Variants in COL5A3 observed in about 807,000 individuals in gnomAD.
COL5A3 encodes the protein collagen type V alpha 3 chain.
Under a neutral mutation model 250.0 loss-of-function variants are expected in COL5A3, and 172 were observed. The ratio of observed to expected loss-of-function variants is 0.69; its 90% CI spans 0.61 to 0.78. The LOEUF (loss-of-function observed/expected upper bound fraction) is 0.78. Ranked by LOEUF, COL5A3 falls within the 30% of genes least tolerant of loss-of-function variation. The pLI, the probability that COL5A3 is intolerant of heterozygous loss-of-function variation, is 0.00. For synonymous variants in COL5A3, 937 were observed against 900.4 expected (o/e 1.04, Z -0.73); for missense variants, 2,340 against 2,334.4 (o/e 1.00, Z -0.05).
intron 31 of COL5A3, among the ~76,000 whole-genome samples, chr19:9,984,923 C>G (rs1013080170): frequency 6.7e-6 from 1 of 148,570 alleles, no homozygotes; most frequent in African/African-American, 2.5e-5. Context: ...TCCCAAGTAG[C>G]TGGGACCACA....
Position 9,979,863 on chromosome 19 carries a change from C to T in COL5A3, c.2688G>A (p.Gly896=). The part of the protein sequence containing the change: ...PGHQGKDGRP[G]HPGQRGELGF... ...CCAGTTCTCCTCTCTGTCCAGGGTG[C>T]CCTGGTCGCCCATCTTTACCTTGGT... The change falls in exon 37 of 67, where the codon GGG becomes GGA. Residue 896 remains glycine, a synonymous_variant. Coordinates refer to ENST00000264828, the MANE Select transcript of COL5A3 (RefSeq NM_015719.4). 4.4e-6 allele frequency: 7 copies of T among 1,576,396 alleles called. No individual in the cohort carries two copies. Among genetic ancestry groups the T allele is most frequent in the Non-Finnish European group, 6.0e-6 (7 of 1,168,866 alleles).
chr19:9,982,330 T>C (rs73502997), intron 31 of COL5A3, among the ~76,000 whole-genome samples: 6,402 of 152,172 alleles, frequency 0.042, 165 homozygotes, highest in African/African-American at 0.072. Context: ...TTGCACTGGC[T>C]GCTGTCTTTG....
At chr19:10,003,977 A>G in intron 5 of COL5A3, 64 bp downstream of exon 5, 1 of 1,317,468 alleles carries the variant, frequency 7.6e-7, no homozygotes, top group Non-Finnish European at 1.1e-6. Context: ...CTTTCTAGGG[A>G]TCTGGAGCCA....
intron 31 of COL5A3, 57 bp downstream of exon 31, chr19:9,985,785 T>A (rs2087090567): frequency 1.4e-6 from 2 of 1,469,956 alleles, no homozygotes; most frequent in Admixed American, 3.4e-5. Flanking sequence ...GACCCCCAGA[T>A]GTTAGTCTCT....
At position 9,973,948 on chromosome 19, in the gene COL5A3, G is replaced by C; in HGVS notation, c.3529C>G (p.Arg1177Gly). The change falls in exon 48 of 67, where the codon CGG becomes GGG. Residue 1177 changes from arginine to glycine, a missense_variant. Physicochemically the swap from Arg to Gly is moderately radical, Grantham distance 125. This residue lies in a region of COL5A3 where 1,179 missense variants were observed against 1,162.6 expected (regional missense o/e 1.01). Transcript: ENST00000264828. Reference protein sequence around the residue: ...SMGPHGAPGPRGPQGPTGSEG... With the variant: ...SMGPHGAPGPGGPQGPTGSEG... ...GATCCAGTGGGGCCTTGGGGACCCC[G>C]AGGACCTGGAGCTCCATGGGGACCC... 1 of 1,547,866 alleles carries C rather than the reference G, an allele frequency of 6.5e-7. No homozygotes were observed. The highest frequency in any genetic ancestry group is 8.7e-7 in the Non-Finnish European group (1 of 1,146,874).
intron 41 of COL5A3, 68 bp downstream of exon 41, chr19:9,978,506 G>A: frequency 2.8e-6 from 3 of 1,059,546 alleles, no homozygotes; most frequent in Non-Finnish European, 4.4e-6. Context: ...TCATGACAAT[G>A]TCAAGCTTCC....
At chr19:9,974,766 G>A (rs1345880595) in intron 45 of COL5A3, among the ~76,000 whole-genome samples, 1 of 152,080 alleles carries the variant, frequency 6.6e-6, no homozygotes, top group Non-Finnish European at 1.5e-5. Context: ...GGTCAGAGTT[G>A]GGGTTAAGGA....
intron 6 of COL5A3, among the ~76,000 whole-genome samples, chr19:10,002,298 G>A (rs931474806): frequency 1.6e-4 from 25 of 151,954 alleles, no homozygotes; most frequent in Non-Finnish European, 3.4e-4. Flanking sequence ...GTGGGAAGAG[G>A]GTGGTGGGGT....
rs371982272 is a variant in COL5A3 at position 10,000,633 on chromosome 19, T to C, written c.1110+891A>G. ...TTTTAAAGCTCCAAGTCAGATCATG[T>C]TCCTTCACAAGTGCTCAAGTGGCAT... is the stretch of plus-strand genomic sequence containing the variant. On this transcript the variant is annotated intron_variant, in intron 8 of 66. Transcript: ENST00000264828. Among the ~76,000 whole-genome samples, 12 of 151,890 alleles carry C rather than the reference T, an allele frequency of 7.9e-5. No individual in the cohort carries two copies. The East Asian group carries it at 1.5e-3, about 20-fold the overall frequency.
intron 51 of COL5A3, 116 bp from the exon 52 acceptor site, chr19:9,971,374 A>G: frequency 4.0e-6 from 3 of 749,670 alleles, no homozygotes; most frequent in Non-Finnish European, 6.4e-6. Context: ...ATTAGTGAAC[A>G]AAACATAAAA....
chr19:9,962,518 A>T (rs35269940), intron 65 of COL5A3, among the ~76,000 whole-genome samples: 21,944 of 152,022 alleles, frequency 0.14, 1,678 homozygotes, highest in Non-Finnish European at 0.15. Flanking sequence ...AACACAGTGC[A>T]TTCTTTAGGC....
At chr19:10,001,706 C>T in intron 7 of COL5A3, 36 bp from the exon 8 acceptor site, 3 of 1,613,158 alleles carry the variant, frequency 1.9e-6, no homozygotes, top group South Asian at 1.1e-5. Flanking sequence ...TTTTCCCTGA[C>T]CTCCTTATTT....
Position 9,986,336 on chromosome 19 carries a change from G to A in COL5A3, c.2331C>T (p.Pro777=), listed in dbSNP as rs1479546784. ...GQAGQAGEEG[P]PGSAGEKGKL... ...TTACCTTCTCCCCAGCTGAGCCTGG[G>A]GGCCCCTCCTCGCCAGCCTGCCCCG... The change falls in exon 30 of 67, where the codon CCC becomes CCT. Residue 777 remains proline (P), a synonymous_variant. Coordinates refer to ENST00000264828, the MANE Select transcript of COL5A3 (RefSeq NM_015719.4). 1.3e-6 allele frequency: 2 copies of A among 1,583,322 alleles called. No homozygotes were observed. The highest frequency in any genetic ancestry group is 2.2e-5 in the East Asian group (1 of 44,780).
At position 9,967,405 on chromosome 19, in the gene COL5A3, A is replaced by C; in HGVS notation, c.4405-5T>G. Reference sequence around the variant, plus strand: ...TCCACGGGGGCCCATGGACCCCTGTAGGGAGAAGTCACTTGGAGAATGAAC... The same window carrying C: ...TCCACGGGGGCCCATGGACCCCTGTCGGGAGAAGTCACTTGGAGAATGAAC... On this transcript the variant is annotated splice_region_variant and splice_polypyrimidine_tract_variant and intron_variant, in intron 61 of 66. Coordinates refer to ENST00000264828, the MANE Select transcript of COL5A3 (RefSeq NM_015719.4). The C allele has an allele frequency of 2.0e-6, 3 of 1,499,958 alleles. No homozygotes were observed. The highest frequency in any genetic ancestry group is 2.6e-6 in the Non-Finnish European group (3 of 1,132,964). The allele number at this position is 1,499,958 out of a possible 1,614,324, so 92.9% of individuals were successfully genotyped here. A position where few individuals can be genotyped will look rare whatever the true frequency, so the allele number is the denominator to read the frequency against.
At chr19:9,978,070 G>A (rs2086950215) in intron 41 of COL5A3, among the ~76,000 whole-genome samples, 1 of 150,128 alleles carries the variant, frequency 6.7e-6, no homozygotes, top group Non-Finnish European at 1.5e-5. Flanking sequence ...GCCTCCCAAA[G>A]AGCTGGGATT....
At chr19:9,981,527 G>A (rs1183695489) in intron 32 of COL5A3, among the ~76,000 whole-genome samples, 2 of 152,140 alleles carry the variant, frequency 1.3e-5, no homozygotes, top group Non-Finnish European at 2.9e-5. Context: ...ACACATGAAG[G>A]CCTGGATTCA....
At position 9,971,261 on chromosome 19, in the gene COL5A3, G is replaced by A. The variant is rs1412400271; in HGVS notation, c.3775-3C>T. 2.0e-5 allele frequency: 32 copies of A among 1,564,598 alleles called. No individual in the cohort carries two copies. The highest frequency in any genetic ancestry group is 2.8e-5 in the Non-Finnish European group (32 of 1,162,760). ...TCTCCGGGCAGCCCCGTGGGGCCCT[G>A]GAACACAGAATGATTAATAATCACA... On this transcript the variant is annotated splice_region_variant and splice_polypyrimidine_tract_variant and intron_variant, in intron 51 of 66. Coordinates refer to ENST00000264828, the MANE Select transcript of COL5A3 (RefSeq NM_015719.4).
chr19:9,976,572 G>A lies in COL5A3; in HGVS notation c.3328C>T (p.His1110Tyr). Residue 1110 changes from histidine (H) to tyrosine (Y), a missense_variant, in exon 45 of 67, where the codon CAC becomes TAC. Transcript: ENST00000264828. ...GQPGIRGPAGHPGPPGADGAQ... is the reference protein window; with the variant it reads ...GQPGIRGPAGYPGPPGADGAQ... ...GGGGCACTCACCGGGGGACCTGGGT[G>A]TCCTGCAGGACCCCGTATCCCTGGT... The A allele has an allele frequency of 1.3e-6, 2 of 1,569,284 alleles. No homozygotes were observed. Among genetic ancestry groups the A allele is most frequent in the Non-Finnish European group, 1.7e-6 (2 of 1,164,902 alleles).
Position 9,976,558 on chromosome 19 carries a change from C to G in COL5A3, c.3342G>C (p.Pro1114=), listed in dbSNP as rs146470482. 1.5e-4 allele frequency: 229 copies of G among 1,567,106 alleles called. 3 individuals are homozygous for G. In the African/African-American group the frequency reaches 2.5e-3, roughly 17 times the overall value. The change falls in exon 45 of 67, where the codon CCG becomes CCC. Residue 1114 remains proline (P), a splice_region_variant and synonymous_variant. Coordinates refer to ENST00000264828, the MANE Select transcript of COL5A3 (RefSeq NM_015719.4). The part of the protein sequence containing the change: ...IRGPAGHPGP[P]GADGAQGRRG... ...GGACTGAAAAGATGGGGGCACTCAC[C>G]GGGGGACCTGGGTGTCCTGCAGGAC...
Sources: allele counts gnomAD v4.1 joint callset (sites outside exome capture counted in the v4.1 genomes callset), GRCh38; gene constraint gnomAD v4.1.1; regional missense constraint gnomAD v4.1.1; transcripts MANE v1.5; gene names NCBI Gene and HGNC (gene_info 2026-07-23, HGNC 2026-07-21).